Variants in DPYSL5 observed in about 807,000 individuals in gnomAD.
DPYSL5 encodes the protein dihydropyrimidinase-related protein 5.
DPYSL5 carries 9 observed loss-of-function variants against 58.4 expected under a neutral mutation model. The observed-to-expected ratio is 0.15, with a 90% CI of 0.09 to 0.27. The LOEUF is 0.27. Among genes scored for constraint, DPYSL5 ranks in the 10% least tolerant of loss-of-function variants. DPYSL5 has a pLI of 1.00. For synonymous variants in DPYSL5, 293 were observed against 301.9 expected, an observed-to-expected ratio of 0.97 and a Z score of 0.31; for missense variants, 499 against 770.6, an observed-to-expected ratio of 0.65 and a Z score of 4.17.
intron 2 of DPYSL5, among the ~76,000 whole-genome samples, chr2:26,912,427 C>T (rs1230038445): frequency 6.6e-6 from 1 of 152,202 alleles, no homozygotes; most frequent in Non-Finnish European, 1.5e-5. Context: ...TTACATGTGT[C>T]TTATTGCTCT....
At position 26,877,069 on chromosome 2, in the gene DPYSL5, C is replaced by T. The variant is rs1362891746; in HGVS notation, c.-4-21427C>T. On this transcript the variant is annotated intron_variant, in intron 1 of 12. Coordinates refer to ENST00000288699, the MANE Select transcript of DPYSL5 (RefSeq NM_020134.4). The surrounding 1 kb of genome is among the most constrained non-coding windows in gnomAD (Gnocchi z 4.1). ...GCAACCTCCGCCTCCCAGGTTCAAG[C>T]GATTCTCTTGCCTCAGCCTCCCGAG... 6.7e-6 allele frequency among the ~76,000 whole-genome samples: 1 copy of T among 148,670 alleles called. No individual in the cohort carries two copies. The highest frequency in any genetic ancestry group is 1.5e-5 in the Non-Finnish European group (1 of 67,394).
chr2:26,854,446 A>G (rs1004561275), intron 1 of DPYSL5, among the ~76,000 whole-genome samples: 5 of 152,160 alleles, frequency 3.3e-5, no homozygotes, highest in Admixed American at 1.3e-4. Context: ...GTGACAGAGT[A>G]AGACTGTTTC....
chr2:26,936,325 T>A (rs1335798581), intron 8 of DPYSL5, among the ~76,000 whole-genome samples: 1 of 152,064 alleles, frequency 6.6e-6, no homozygotes, highest in African/African-American at 2.4e-5. Flanking sequence ...ATAAGGTGCT[T>A]GTCTCATCCA....
At chr2:26,935,755 G>C (rs12615423) in intron 8 of DPYSL5, among the ~76,000 whole-genome samples, 1 of 150,954 alleles carries the variant, frequency 6.6e-6, no homozygotes, top group Non-Finnish European at 1.5e-5. Flanking sequence ...GGGTATTAAA[G>C]TTCCATCCAG....
Position 26,948,105 on chromosome 2 carries a change from A to G in DPYSL5, c.*1110A>G. 1.3e-5 allele frequency: 2 copies of G among 153,964 alleles called. No homozygotes were observed. The highest frequency in any genetic ancestry group is 2.8e-5 in the Non-Finnish European group (2 of 70,568). 9.5% of individuals were successfully genotyped at this position (153,964 alleles called of 1,614,324 possible). A position where few individuals can be genotyped will look rare whatever the true frequency, so the allele number is the denominator to read the frequency against. ...CACACACACACACACACACACACAC[A>G]CACACGCACGGCTTCCTATAACTTC... On this transcript the variant is annotated 3_prime_UTR_variant, in exon 13 of 13. Coordinates refer to ENST00000288699, the MANE Select transcript of DPYSL5 (RefSeq NM_020134.4).
At chr2:26,886,185 G>A (rs1663715399) in intron 1 of DPYSL5, among the ~76,000 whole-genome samples, 1 of 152,226 alleles carries the variant, frequency 6.6e-6, no homozygotes, top group African/African-American at 2.4e-5. Flanking sequence ...AGTTTGATTG[G>A]ATGTCGGGAG....
intron 1 of DPYSL5, among the ~76,000 whole-genome samples, chr2:26,852,592 C>T (rs759504126): frequency 1.2e-4 from 19 of 152,270 alleles, no homozygotes; most frequent in Admixed American, 2.6e-4. Context: ...CTTGTTCCCT[C>T]GCCTCCCTCC....
chr2:26,895,738 C>CCACTGATA (rs1053959792), intron 1 of DPYSL5, among the ~76,000 whole-genome samples: 1 of 151,526 alleles, frequency 6.6e-6, no homozygotes, highest in African/African-American at 2.4e-5. Context: ...ACTACTCCAG[C>CCACTGATA]CACTGATAAC....
intron 6 of DPYSL5, among the ~76,000 whole-genome samples, chr2:26,932,084 AAGAAAAAAG>A (rs1665014261): frequency 2.3e-5 from 2 of 85,484 alleles, no homozygotes; most frequent in African/African-American, 4.6e-5. Context: ...AAAGAAAGAA[AAGAAAAAAG>A]AAAGAGAAAG....
chr2:26,922,794 A>G (rs1393158793), intron 2 of DPYSL5, among the ~76,000 whole-genome samples: 1 of 152,276 alleles, frequency 6.6e-6, no homozygotes, highest in East Asian at 1.9e-4. Context: ...AAAATCGGAA[A>G]TAGAAGCCTG....
intron 5 of DPYSL5, among the ~76,000 whole-genome samples, chr2:26,931,203 G>GTGTATGTATATATATATATA (rs1474347605): frequency 2.2e-5 from 1 of 44,908 alleles, no homozygotes; most frequent in African/African-American, 8.1e-5. Context: ...GTGTGTGTGT[G>GTGTATGTATATATATATATA]TATATATATA....
intron 2 of DPYSL5, among the ~76,000 whole-genome samples, chr2:26,914,010 A>AT (rs1664502570): frequency 6.6e-6 from 1 of 151,412 alleles, no homozygotes; most frequent in African/African-American, 2.4e-5. Context: ...TCAGTGTTCT[A>AT]TTTTAAGTAC....
intron 2 of DPYSL5, among the ~76,000 whole-genome samples, chr2:26,917,966 T>C (rs1664609626): frequency 6.6e-6 from 1 of 151,590 alleles, no homozygotes; most frequent in East Asian, 1.9e-4. Context: ...TGAAATCCCG[T>C]CTTTACTAAA....
chr2:26,939,943 A>G (rs1335677306), intron 8 of DPYSL5, 88 bp from the exon 9 acceptor site: 2 of 1,562,700 alleles, frequency 1.3e-6, no homozygotes, highest in Non-Finnish European at 1.7e-6. Flanking sequence ...CCTGCTTCCC[A>G]CACGGAGGAT....
At chr2:26,867,079 C>T (rs559064140) in intron 1 of DPYSL5, among the ~76,000 whole-genome samples, 1 of 152,134 alleles carries the variant, frequency 6.6e-6, no homozygotes, top group Non-Finnish European at 1.5e-5. Context: ...TACTAAACAC[C>T]ACCCGTTCAC....
chr2:26,855,969 T>G (rs1665868024), intron 1 of DPYSL5, among the ~76,000 whole-genome samples: 1 of 152,218 alleles, frequency 6.6e-6, no homozygotes, highest in Non-Finnish European at 1.5e-5. Context: ...TGAAACACTT[T>G]CAACCTTAAT....
chr2:26,880,813 T>A (rs573299707), intron 1 of DPYSL5, among the ~76,000 whole-genome samples: 6 of 152,334 alleles, frequency 3.9e-5, no homozygotes, highest in Admixed American at 1.3e-4. Context: ...ATCTCCGTGG[T>A]TCTTACAACT....
intron 1 of DPYSL5, among the ~76,000 whole-genome samples, chr2:26,896,034 T>C (rs1664012820): frequency 6.6e-6 from 1 of 152,072 alleles, no homozygotes; most frequent in South Asian, 2.1e-4. Context: ...CACCTCGGCC[T>C]CCCAAAGTGC....
intron 9 of DPYSL5, among the ~76,000 whole-genome samples, chr2:26,941,431 C>T (rs1665319682): frequency 6.6e-6 from 1 of 152,178 alleles, no homozygotes; most frequent in Admixed American, 6.5e-5. Context: ...TGGTCTTGAT[C>T]TATCTCAGAT....
Sources: allele counts gnomAD v4.1 joint callset (sites outside exome capture counted in the v4.1 genomes callset), GRCh38; gene constraint gnomAD v4.1.1; non-coding constraint Gnocchi (gnomAD v3.1); transcripts MANE v1.5; gene names NCBI Gene and HGNC (gene_info 2026-07-23, HGNC 2026-07-21).